The following USP53 variants were observed in gnomAD, a reference collection of about 807,000 sequenced individuals.
USP53 encodes the protein ubiquitin carboxyl-terminal hydrolase 53.
In USP53, 71 loss-of-function variants were observed where a neutral mutation model predicts 94.9. The observed-to-expected ratio is 0.75, with a 90% CI of 0.62 to 0.91. USP53 has a LOEUF of 0.91. USP53 is among the 40% of genes least tolerant of loss of function. The probability of loss-of-function intolerance (pLI) is 0.00; values close to 1 mark genes in which losing one functional copy is unlikely to be tolerated. For missense variants in USP53, 1,173 were observed against 1,281.0 expected, an observed-to-expected ratio of 0.92 and a Z score of 1.29; for synonymous variants, 375 against 422.7, an observed-to-expected ratio of 0.89 and a Z score of 1.39.
At chr4:119,248,604 T>C in intron 6 of USP53, 144 bp from the exon 7 acceptor site, 1 of 885,174 alleles carries the variant, frequency 1.1e-6, no homozygotes, top group Non-Finnish European at 1.7e-6. Flanking sequence ...TACAAATAAT[T>C]AATTTTTGTA....
intron 18 of USP53, among the ~76,000 whole-genome samples, chr4:119,291,978 A>G (rs1754811439): frequency 6.6e-6 from 1 of 152,170 alleles, no homozygotes. Flanking sequence ...GATGTTTTAG[A>G]GTACTGTTTG....
At position 119,291,201 on chromosome 4, in the gene USP53, A is replaced by G. The variant is rs754911505; in HGVS notation, c.2288A>G (p.Tyr763Cys). The G allele has an allele frequency of 6.4e-7, 1 of 1,571,110 alleles. No individual in the cohort carries two copies. Among genetic ancestry groups the G allele is most frequent in the East Asian group, 2.4e-5 (1 of 41,742 alleles). Reference protein sequence around the residue: ...RKELRNLEAGYKSHEFHPESH... With the variant: ...RKELRNLEAGCKSHEFHPESH... Reference sequence around the variant, plus strand: ...GAACTCAGGAATTTGGAAGCAGGCTATAAATCTCATGAATTCCACCCAGAA... The same window carrying G: ...GAACTCAGGAATTTGGAAGCAGGCTGTAAATCTCATGAATTCCACCCAGAA... Residue 763 changes from tyrosine (Y) to cysteine (C), a missense_variant, in exon 18 of 19, where the codon TAT (tyrosine) becomes TGT (cysteine). By Grantham distance (194) the Tyr-to-Cys change is radical (BLOSUM62 -2). Coordinates refer to ENST00000692078, the MANE Select transcript of USP53 (RefSeq NM_001371395.1).
At chr4:119,257,860 A>G (rs1012003919) in intron 9 of USP53, among the ~76,000 whole-genome samples, 1 of 152,316 alleles carries the variant, frequency 6.6e-6, no homozygotes, top group East Asian at 1.9e-4. Flanking sequence ...AAGATAGACA[A>G]TAAGTTAAAA....
At chr4:119,287,440 A>T (rs528505464) in intron 17 of USP53, among the ~76,000 whole-genome samples, 2 of 152,244 alleles carry the variant, frequency 1.3e-5, no homozygotes, top group African/African-American at 4.8e-5. Context: ...GCCTGATCAT[A>T]ATCAAATATA....
chr4:119,281,408 G>A (rs1344284159), intron 17 of USP53, among the ~76,000 whole-genome samples: 18 of 151,976 alleles, frequency 1.2e-4, no homozygotes, highest in Admixed American at 1.2e-3. Context: ...GCTTTTGTGG[G>A]GATTATTTTT....
intron 3 of USP53, among the ~76,000 whole-genome samples, chr4:119,228,274 G>A (rs1294413647): frequency 2.6e-5 from 4 of 152,250 alleles, no homozygotes; most frequent in African/African-American, 9.6e-5. Context: ...CGAGGTTCCT[G>A]TTTCTTTGTT....
At chr4:119,289,936 C>T (rs1754550427) in intron 17 of USP53, among the ~76,000 whole-genome samples, 2 of 152,124 alleles carry the variant, frequency 1.3e-5, no homozygotes, top group Admixed American at 1.3e-4. Context: ...GTTGGGCCTA[C>T]TTTATCTGTA....
At chr4:119,274,704 G>A (rs1435389330) in intron 17 of USP53, among the ~76,000 whole-genome samples, 1 of 140,244 alleles carries the variant, frequency 7.1e-6, no homozygotes, top group East Asian at 2.1e-4. Flanking sequence ...CTAGTTTACA[G>A]TCCCACCAAC....
At chr4:119,225,680 A>T (rs527923904) in intron 3 of USP53, among the ~76,000 whole-genome samples, 295 of 152,204 alleles carry the variant, frequency 1.9e-3, no homozygotes, top group African/African-American at 6.7e-3. Context: ...CGGGAGGTGG[A>T]GTGAGCTGAG....
rs200677971 is a variant in USP53 at position 119,268,238 on chromosome 4, G to C, written c.1136-30G>C. The C allele has an allele frequency of 1.9e-6, 3 of 1,566,392 alleles. No individual in the cohort carries two copies. The East Asian group carries it at 6.8e-5, about 35-fold the overall frequency. ...ACATCTCTTCTCATGGGAAGGAAAG[G>C]AATGATACATTTTTGCTTCTCTTTT... is the stretch of plus-strand genomic sequence containing the variant. On this transcript the variant is annotated intron_variant, in intron 13 of 18. Coordinates refer to ENST00000692078, the MANE Select transcript of USP53 (RefSeq NM_001371395.1).
At position 119,213,660 on chromosome 4, in the gene USP53, A is replaced by ATATATATGTGTGTGTGTGTGTGTGTGTG; in HGVS notation, c.-941-409_-941-408insATATATGTGTGTGTGTGTGTGTGTGTGT. 2.9e-4 allele frequency among the ~76,000 whole-genome samples: 34 copies of ATATATATGTGTGTGTGTGTGTGTGTGTG among 117,762 alleles called. No individual in the cohort carries two copies. In the East Asian group the frequency reaches 3.4e-3, roughly 12 times the overall value. The allele number at this position is 117,762 out of a possible 152,430, so 77.3% of individuals were successfully genotyped here. A position where few individuals can be genotyped will look rare whatever the true frequency, so the allele number is the denominator to read the frequency against. ...GAAATAGATATATATATATATATATATGTGTGTGTGTGTATGTATGTATGT... is the reference window on the plus strand; with the variant it reads ...GAAATAGATATATATATATATATATATATATATGTGTGTGTGTGTGTGTGTGTGTGTGTGTGTGTGTATGTATGTATGT... On this transcript the variant is annotated intron_variant, in intron 1 of 18. Coordinates refer to ENST00000692078, the MANE Select transcript of USP53 (RefSeq NM_001371395.1).
intron 3 of USP53, among the ~76,000 whole-genome samples, chr4:119,229,254 T>C (rs1222248842): frequency 6.6e-6 from 1 of 152,228 alleles, no homozygotes; most frequent in Non-Finnish European, 1.5e-5. Context: ...TAATAATTAC[T>C]ACCATAAACC....
chr4:119,228,060 A>G (rs1158158167), intron 3 of USP53, among the ~76,000 whole-genome samples: 3 of 152,212 alleles, frequency 2.0e-5, no homozygotes, highest in Admixed American at 6.5e-5. Flanking sequence ...AATTACCACA[A>G]CAGCTTAAAA....
chr4:119,294,722 A>T lies in USP53; in HGVS notation c.*1511A>T, dbSNP rs938657569. ...ACTGTTAAACAGAAAATAATTGCTTATAAAAGTCTAACTTCACCCAGTTAC... is the reference window on the plus strand; with the variant it reads ...ACTGTTAAACAGAAAATAATTGCTTTTAAAAGTCTAACTTCACCCAGTTAC... On this transcript the variant is annotated 3_prime_UTR_variant, in exon 19 of 19. Transcript: ENST00000692078. 2.0e-5 allele frequency: 3 copies of T among 152,158 alleles called. No individual in the cohort carries two copies. The highest frequency in any genetic ancestry group is 2.9e-5 in the Non-Finnish European group (2 of 67,976). 9.4% of individuals were successfully genotyped at this position (152,158 alleles called of 1,614,324 possible).
At chr4:119,232,452 A>G (rs143450374) in intron 3 of USP53, among the ~76,000 whole-genome samples, 41 of 152,314 alleles carry the variant, frequency 2.7e-4, no homozygotes, top group African/African-American at 9.6e-4. Context: ...CATTCATGTC[A>G]TAGTATGTGT....
chr4:119,286,005 T>G (rs1465366034), intron 17 of USP53, among the ~76,000 whole-genome samples: 2 of 151,900 alleles, frequency 1.3e-5, no homozygotes, highest in Admixed American at 6.6e-5. Flanking sequence ...TGCTTTATTA[T>G]TTTGTAAAAT....
At chr4:119,289,961 T>A (rs1340322225) in intron 17 of USP53, among the ~76,000 whole-genome samples, 2 of 152,218 alleles carry the variant, frequency 1.3e-5, no homozygotes, top group African/African-American at 4.8e-5. Flanking sequence ...GGACATTAAT[T>A]TAATTTAATT....
Position 119,292,345 on chromosome 4 carries a change from G to GGGAGGGA in USP53, c.2356_2357insGGAGGGA (p.Val786GlyfsTer5). On this transcript the variant is annotated frameshift_variant, in exon 19 of 19. Coordinates refer to ENST00000692078, the MANE Select transcript of USP53 (RefSeq NM_001371395.1). LOFTEE classifies it low-confidence loss of function (END_TRUNC). The stretch of plus-strand genomic sequence containing the variant: ...TTTATTTTCATATTTCAGATCACAT[G>GGGAGGGA]TACATGAAGACAATGGAAAGTTATT... 1 of 1,591,882 alleles carries GGGAGGGA rather than the reference G, an allele frequency of 6.3e-7. No individual in the cohort carries two copies. Among genetic ancestry groups the GGGAGGGA allele is most frequent in the South Asian group, 1.1e-5 (1 of 86,990 alleles).
intron 17 of USP53, 101 bp from the exon 18 acceptor site, chr4:119,291,064 C>T: frequency 3.5e-6 from 2 of 570,914 alleles, no homozygotes; most frequent in East Asian, 3.4e-5. Flanking sequence ...TTATAGAAAG[C>T]TTTATGTAAA....
Sources: gnomAD v4.1 joint callset for allele counts (sites outside exome capture counted in the v4.1 genomes callset) on GRCh38, gnomAD v4.1.1 for gene constraint, MANE v1.5 for transcripts, NCBI Gene and HGNC (gene_info 2026-07-23, HGNC 2026-07-21) for gene names.